TCF4: variants seen among roughly 807,000 people sequenced by gnomAD.
The protein encoded by TCF4 is transcription factor 4, also known as SL3-3 enhancer factor 2.
Under a neutral mutation model 82.1 loss-of-function variants are expected in TCF4, and 3 were observed. The observed-to-expected ratio is 0.04, with a 90% CI of 0.02 to 0.09. The LOEUF is 0.09. Ranked by LOEUF, TCF4 falls within the 10% of genes least tolerant of loss-of-function variation. The pLI, the probability that TCF4 is intolerant of heterozygous loss-of-function variation, is 1.00. For synonymous variants in TCF4, 276 were observed against 309.6 expected (o/e 0.89, Z 1.14); for missense variants, 518 against 852.7 (o/e 0.61, Z 4.89).
rs1057520383 is a variant in TCF4, at chr18:55,228,048, A to G, written c.*5-18T>C. 7.4e-6 allele frequency: 6 copies of G among 808,324 alleles called. No homozygotes were observed. The highest frequency in any genetic ancestry group is 1.7e-5 in the African/African-American group (1 of 57,410). 50.1% of individuals were successfully genotyped at this position (808,324 alleles called of 1,614,324 possible). A position where few individuals can be genotyped will look rare whatever the true frequency, so the allele number is the denominator to read the frequency against. ...ACTTGGACCTGAGAAAGGAAAAAAG[A>G]GAGAAAAAATTCATTAATATATTTG... is the stretch of plus-strand genomic sequence containing the variant. On this transcript the variant is annotated intron_variant, in intron 19 of 19. Transcript: ENST00000354452.
intron 9 of TCF4, among the ~76,000 whole-genome samples, chr18:55,278,725 C>CGG (rs2061944821): frequency 1.3e-5 from 2 of 151,898 alleles, no homozygotes; most frequent in South Asian, 4.2e-4. Flanking sequence ...CCCACCACCA[C>CGG]GCCTGGCTAA....
intron 8 of TCF4, among the ~76,000 whole-genome samples, chr18:55,344,580 G>C (rs1256021628): frequency 6.6e-6 from 1 of 152,072 alleles, no homozygotes; most frequent in East Asian, 1.9e-4. Flanking sequence ...AACAAGTCCA[G>C]TTTTACACTA....
chr18:55,294,501 G>A (rs1568776181), intron 8 of TCF4, among the ~76,000 whole-genome samples: 1 of 152,140 alleles, frequency 6.6e-6, no homozygotes, highest in Non-Finnish European at 1.5e-5. Flanking sequence ...TTTTAGTGTT[G>A]AAGGGAAGTA....
intron 8 of TCF4, among the ~76,000 whole-genome samples, chr18:55,294,417 T>C (rs757591482): frequency 4.6e-5 from 7 of 152,058 alleles, no homozygotes; most frequent in Non-Finnish European, 1.0e-4. Context: ...ACCCAATAAA[T>C]AGGAAACAAG....
intron 5 of TCF4, among the ~76,000 whole-genome samples, chr18:55,418,302 A>G (rs1227876391): frequency 6.6e-6 from 1 of 152,188 alleles, no homozygotes; most frequent in African/African-American, 2.4e-5. Flanking sequence ...ATACTTTATA[A>G]GAATGAGTCA....
chr18:55,593,500 T>G (rs2097687837), upstream of TCF4, among the ~76,000 whole-genome samples: 1 of 152,192 alleles, frequency 6.6e-6, no homozygotes, highest in Non-Finnish European at 1.5e-5. Context: ...CATTATATGT[T>G]GAAGGGTACT....
rs34071688 is a variant in TCF4 at position 55,586,840 on chromosome 18, CA to C, written c.72+204del. On this transcript the variant is annotated intron_variant, in intron 2 of 19. Coordinates refer to ENST00000354452, the MANE Select transcript of TCF4 (RefSeq NM_001083962.2). ...GGAATTGAAGGCCAGTAATAAAACT[CA>C]AAAAAAAAAAAAAGCCTGAATCTTC... is the stretch of plus-strand genomic sequence containing the variant. 133,040 of 388,550 alleles carry C rather than the reference CA, an allele frequency of 0.34. 2,699 individuals are homozygous for C. The highest frequency in any genetic ancestry group is 0.4 in the Admixed American group (9,596 of 23,986). 24.1% of individuals were successfully genotyped at this position (388,550 alleles called of 1,614,324 possible). A position where few individuals can be genotyped will look rare whatever the true frequency, so the allele number is the denominator to read the frequency against.
At chr18:55,421,847 C>T (rs12103957) in intron 5 of TCF4, among the ~76,000 whole-genome samples, 12,831 of 152,154 alleles carry the variant, frequency 0.084, 1,223 homozygotes, top group African/African-American at 0.23. Flanking sequence ...ATCAAGTGTA[C>T]ATTTGCCAAC....
intron 3 of TCF4, among the ~76,000 whole-genome samples, chr18:55,526,606 A>G (rs1002875733): frequency 6.6e-6 from 1 of 152,166 alleles, no homozygotes; most frequent in Admixed American, 6.6e-5. Context: ...AGGCTCAAGG[A>G]TTGATCCCAG....
chr18:55,601,955 C>T (rs927910651), intron 2 of TCF4, among the ~76,000 whole-genome samples: 2 of 152,162 alleles, frequency 1.3e-5, no homozygotes, highest in African/African-American at 4.8e-5. Flanking sequence ...TATAAATGCG[C>T]CAGTGTGATA....
chr18:55,622,211 A>C lies in TCF4; in HGVS notation c.286+9087T>G, dbSNP rs535681904. On this transcript the variant is annotated intron_variant, in intron 2 of 20. Transcript: ENST00000398339. ...CACCCTCTTCTTTTCTTTTATGTAG[A>C]CTTAAGAGTAACTGTGGCCGGGAGT... Among the ~76,000 whole-genome samples, 218 of 150,148 alleles carry C rather than the reference A, an allele frequency of 1.5e-3. 1 individual carries two copies. The highest frequency in any genetic ancestry group is 5.0e-3 in the African/African-American group (206 of 40,814).
At chr18:55,277,602 A>AT (rs11292069) in intron 9 of TCF4, among the ~76,000 whole-genome samples, 10 of 122,270 alleles carry the variant, frequency 8.2e-5, no homozygotes, top group Non-Finnish European at 8.9e-5. Context: ...TGTCAACTCA[A>AT]TTTTTTTTTT....
intron 8 of TCF4, among the ~76,000 whole-genome samples, chr18:55,301,263 G>A (rs2068186909): frequency 6.6e-6 from 1 of 152,322 alleles, no homozygotes; most frequent in Non-Finnish European, 1.5e-5. Flanking sequence ...CCAATTGCTG[G>A]TTGAATGTAA....
intron 15 of TCF4, among the ~76,000 whole-genome samples, chr18:55,252,748 T>C (rs772890551): frequency 6.6e-6 from 1 of 152,180 alleles, no homozygotes; most frequent in African/African-American, 2.4e-5. Flanking sequence ...CTACAGAAAT[T>C]AAACTATTTT....
chr18:55,543,381 C>T (rs1320675746), intron 3 of TCF4, among the ~76,000 whole-genome samples: 1 of 151,996 alleles, frequency 6.6e-6, no homozygotes, highest in Admixed American at 6.5e-5. Context: ...GGCAAGTGCT[C>T]AACAAAGATA....
chr18:55,628,126 C>T (rs1050863796), intron 2 of TCF4, among the ~76,000 whole-genome samples: 3 of 152,196 alleles, frequency 2.0e-5, no homozygotes, highest in African/African-American at 7.2e-5. Flanking sequence ...TAATGAGGAT[C>T]ATTTCAAGGC....
At chr18:55,265,514 G>C (rs1056269092) in intron 11 of TCF4, 1 of 152,138 alleles carries the variant, frequency 6.6e-6, no homozygotes, top group South Asian at 2.1e-4. Context: ...GGAAATGGAG[G>C]AGATTTAAAT....
At chr18:55,594,841 G>A (rs1335246141) in intron 2 of TCF4, among the ~76,000 whole-genome samples, 1 of 152,186 alleles carries the variant, frequency 6.6e-6, no homozygotes, top group Non-Finnish European at 1.5e-5. Context: ...TTTAAACATA[G>A]GTAGACCATG....
At chr18:55,591,010 A>G (rs2097684423), upstream of TCF4, 4 of 152,202 alleles carry the variant, frequency 2.6e-5, no homozygotes, top group Non-Finnish European at 5.9e-5. Flanking sequence ...ACATTCAACC[A>G]TATTCCTATA....
Sources: allele counts gnomAD v4.1 joint callset (sites outside exome capture counted in the v4.1 genomes callset), GRCh38; gene constraint gnomAD v4.1.1; transcripts MANE v1.5; gene names NCBI Gene and HGNC (gene_info 2026-07-23, HGNC 2026-07-21).